NPSR1: variants seen among roughly 807,000 people sequenced by gnomAD.
NPSR1 encodes the protein neuropeptide S receptor 1, also known as neuropeptide S receptor.
Under a neutral mutation model 46.9 loss-of-function variants are expected in NPSR1, and 48 were observed. The ratio of observed to expected loss-of-function variants is 1.02; its 90% confidence interval spans 0.81 to 1.30. NPSR1 has a LOEUF of 1.30. Ranked by LOEUF, NPSR1 falls within the 50% of genes most tolerant of loss-of-function variation. The probability of loss-of-function intolerance (pLI) is 0.00; values close to 1 mark genes in which losing one functional copy is unlikely to be tolerated. For synonymous variants in NPSR1, 176 were observed against 168.1 expected (o/e 1.05, Z -0.36); for missense variants, 450 against 449.5 (o/e 1.00, Z -0.01).
At chr7:34,738,190 A>G (rs952505121) in intron 2 of NPSR1, among the ~76,000 whole-genome samples, 8 of 152,206 alleles carry the variant, frequency 5.3e-5, no homozygotes, top group African/African-American at 1.9e-4. Flanking sequence ...CCTTTTGTGT[A>G]CTATAGTATC....
intron 2 of NPSR1, among the ~76,000 whole-genome samples, chr7:34,692,078 C>T (rs1211116428): frequency 6.6e-6 from 1 of 152,088 alleles, no homozygotes; most frequent in Non-Finnish European, 1.5e-5. Context: ...TTACAGTAAG[C>T]ACCACTGCAA....
At chr7:34,859,460 T>C (rs956166440) in intron 8 of NPSR1, among the ~76,000 whole-genome samples, 2 of 151,536 alleles carry the variant, frequency 1.3e-5, no homozygotes, top group Non-Finnish European at 2.9e-5. Flanking sequence ...GCGGTGATGT[T>C]AGCCCCAGAG....
intron 6 of NPSR1, 65 bp downstream of exon 6, chr7:34,834,525 C>A: frequency 9.0e-7 from 1 of 1,115,390 alleles, no homozygotes; most frequent in Non-Finnish European, 1.4e-6. Flanking sequence ...TTTCTTCTAG[C>A]AAATGTGAGC....
At chr7:34,779,549 G>A in intron 3 of NPSR1, 1 of 1,176,968 alleles carries the variant, frequency 8.5e-7, no homozygotes, top group Non-Finnish European at 1.1e-6. Context: ...TCAGGTCATG[G>A]TAATGAAGTT....
intron 2 of NPSR1, among the ~76,000 whole-genome samples, chr7:34,694,804 G>A (rs1030434408): frequency 6.6e-6 from 1 of 152,152 alleles, no homozygotes; most frequent in Non-Finnish European, 1.5e-5. Flanking sequence ...ACACCTCCTG[G>A]GTTCAAGAGA....
chr7:34,725,455 G>C (rs77618741), intron 2 of NPSR1, among the ~76,000 whole-genome samples: 5,718 of 152,248 alleles, frequency 0.038, 161 homozygotes, highest in Non-Finnish European at 0.054. Flanking sequence ...GATACTGAAG[G>C]ACAGAGACAC....
chr7:34,738,838 A>G (rs57151579), intron 2 of NPSR1, among the ~76,000 whole-genome samples: 49,796 of 152,010 alleles, frequency 0.33, 8,436 homozygotes, highest in East Asian at 0.44. Flanking sequence ...TATAAGATCT[A>G]TCTAGCTCCA....
At chr7:34,763,562 G>A (rs1422404220) in intron 2 of NPSR1, among the ~76,000 whole-genome samples, 2 of 152,020 alleles carry the variant, frequency 1.3e-5, no homozygotes, top group African/African-American at 4.8e-5. Flanking sequence ...ATAATAGTAG[G>A]GTAGGAAGAT....
chr7:34,745,293 C>T (rs1225321901), intron 2 of NPSR1, among the ~76,000 whole-genome samples: 1 of 152,084 alleles, frequency 6.6e-6, no homozygotes, highest in African/African-American at 2.4e-5. Flanking sequence ...TTGTCTCTTT[C>T]TATTGCTTTT....
At chr7:34,752,122 A>G in intron 2 of NPSR1, 1 of 511,940 alleles carries the variant, frequency 2.0e-6, no homozygotes. Context: ...TTAAAATTAC[A>G]AAGTTTTCCA....
At chr7:34,699,233 A>G (rs1365711705) in intron 2 of NPSR1, among the ~76,000 whole-genome samples, 1 of 152,156 alleles carries the variant, frequency 6.6e-6, no homozygotes, top group African/African-American at 2.4e-5. Context: ...TAATCCCAGC[A>G]CTTTGGGAGG....
intron 2 of NPSR1, chr7:34,719,726 A>T (rs1244227690): frequency 2.0e-5 from 3 of 152,188 alleles, no homozygotes; most frequent in Non-Finnish European, 4.4e-5. Flanking sequence ...CCATTCTCTT[A>T]TGCAAAACAT....
intron 1 of NPSR1, among the ~76,000 whole-genome samples, chr7:34,669,568 C>CAAAA (rs540666804): frequency 1.1e-3 from 143 of 133,712 alleles, no homozygotes; most frequent in African/African-American, 3.7e-3. Context: ...GACTCTGTTT[C>CAAAA]AAAAAAAAAA....
intron 6 of NPSR1, among the ~76,000 whole-genome samples, chr7:34,839,925 G>A (rs185360339): frequency 1.3e-5 from 2 of 152,254 alleles, no homozygotes; most frequent in African/African-American, 4.8e-5. Context: ...ACTGCTGGAA[G>A]GCAGGCTGGG....
At chr7:34,823,424 A>G (rs1789670201) in intron 4 of NPSR1, among the ~76,000 whole-genome samples, 1 of 148,520 alleles carries the variant, frequency 6.7e-6, no homozygotes, top group East Asian at 2.0e-4. Flanking sequence ...AAACAACACC[A>G]TAAATGAATA....
chr7:34,854,392 A>G (rs1791007277), downstream of NPSR1, among the ~76,000 whole-genome samples: 1 of 152,242 alleles, frequency 6.6e-6, no homozygotes, highest in African/African-American at 2.4e-5. Flanking sequence ...TTTAAAAAAT[A>G]AATAACTGTC....
In NPSR1 at chr7:34,751,029, G is replaced by A. The variant is rs564000496; in HGVS notation, c.281-27433G>A. ...CTTCTTGGCCAGGGCAGCAATTTGA[G>A]ACTCAGGGTTGATGAGCAGCATGGC... On this transcript the variant is annotated intron_variant, in intron 2 of 8. Transcript: ENST00000360581. 2.7e-5 allele frequency: 21 copies of A among 773,016 alleles called. No homozygotes were observed. In the East Asian group the frequency reaches 4.9e-4, roughly 18 times the overall value. The allele number at this position is 773,016 out of a possible 1,614,324, so 47.9% of individuals were successfully genotyped here.
chr7:34,808,661 C>T (rs539814527), intron 3 of NPSR1, among the ~76,000 whole-genome samples: 123 of 152,194 alleles, frequency 8.1e-4, no homozygotes, highest in African/African-American at 2.9e-3. Context: ...CTGAAGTATG[C>T]CAGGAAGACT....
At chr7:34,859,030 G>A (rs1355490685) in intron 8 of NPSR1, among the ~76,000 whole-genome samples, 1 of 151,688 alleles carries the variant, frequency 6.6e-6, no homozygotes, top group Admixed American at 6.6e-5. Context: ...AGGTTCAAGG[G>A]TGTTCAGTTT....
Sources: gnomAD v4.1 joint callset for allele counts (sites outside exome capture counted in the v4.1 genomes callset) on GRCh38, gnomAD v4.1.1 for gene constraint, MANE v1.5 for transcripts, NCBI Gene and HGNC (gene_info 2026-07-23, HGNC 2026-07-21) for gene names.